STK3: variants seen among roughly 807,000 people sequenced by gnomAD.
The protein encoded by STK3 is serine/threonine kinase 3.
Under a neutral mutation model 58.0 loss-of-function variants are expected in STK3, and 41 were observed. The ratio of observed to expected loss-of-function variants is 0.71; its 90% CI spans 0.55 to 0.92. The LOEUF is 0.92. Ranked by LOEUF, STK3 falls within the 40% of genes least tolerant of loss-of-function variation. The pLI is 0.00. For synonymous variants in STK3, 170 were observed against 191.0 expected (o/e 0.89, Z 0.91); for missense variants, 479 against 602.7 (o/e 0.79, Z 2.15).
chr8:98,589,218 T>A (rs1029730534), intron 7 of STK3, among the ~76,000 whole-genome samples: 3 of 152,344 alleles, frequency 2.0e-5, no homozygotes, highest in Admixed American at 6.5e-5. Flanking sequence ...TTTTTCCCCA[T>A]CTTTGTGGTT....
At chr8:98,552,864 A>C (rs1466248633) in intron 8 of STK3, among the ~76,000 whole-genome samples, 1 of 152,166 alleles carries the variant, frequency 6.6e-6, no homozygotes, top group Non-Finnish European at 1.5e-5. Context: ...TTAATCATCC[A>C]ACAAGCATTT....
At chr8:98,474,866 G>A (rs1821190265) in intron 10 of STK3, among the ~76,000 whole-genome samples, 2 of 152,120 alleles carry the variant, frequency 1.3e-5, no homozygotes, top group African/African-American at 4.8e-5. Context: ...TGTACAATAT[G>A]AGATACGTGA....
Position 98,707,267 on chromosome 8 carries a change from T to C in STK3, c.396A>G (p.Lys132=). The part of the protein sequence containing the change: ...EIATILKSTL[K]GLEYLHFMRK... ...TCATAAAGTGCAAATATTCTAGTCCTTTCAATGTAGATTTAAGAATGGTTG... is the reference window on the plus strand; with the variant it reads ...TCATAAAGTGCAAATATTCTAGTCCCTTCAATGTAGATTTAAGAATGGTTG... Residue 132 remains lysine (K), a synonymous_variant, in exon 5 of 11, where the codon AAA becomes AAG. Coordinates refer to ENST00000419617, the MANE Select transcript of STK3 (RefSeq NM_006281.4). 1 of 1,579,526 alleles carries C rather than the reference T, an allele frequency of 6.3e-7. No individual in the cohort carries two copies. Among genetic ancestry groups the C allele is most frequent in the Non-Finnish European group, 8.6e-7 (1 of 1,162,904 alleles).
At chr8:98,825,879 CGCCGGCCGCCAGCCT>C (rs1382391081), upstream of STK3, among the ~76,000 whole-genome samples, 42 of 21,308 alleles carry the variant, frequency 2.0e-3, 5 homozygotes, top group Admixed American at 4.3e-3. Flanking sequence ...CCCCCGGCCG[CGCCGGCCGCCAGCCT>C]GCGGCGGCGG....
At chr8:98,868,177 C>CT (rs1286326962) in intron 3 of STK3, among the ~76,000 whole-genome samples, 1 of 152,148 alleles carries the variant, frequency 6.6e-6, no homozygotes, top group African/African-American at 2.4e-5. Flanking sequence ...TAAAAGAAAA[C>CT]TTTAAAAAAA....
chr8:98,691,027 A>T (rs914729673), intron 6 of STK3, among the ~76,000 whole-genome samples: 13 of 152,176 alleles, frequency 8.5e-5, no homozygotes, highest in Admixed American at 2.0e-4. Context: ...ACAGACATAA[A>T]GATGGAAACA....
chr8:98,663,104 G>A (rs1000185440), intron 6 of STK3, among the ~76,000 whole-genome samples: 3 of 152,038 alleles, frequency 2.0e-5, no homozygotes, highest in East Asian at 1.9e-4. Flanking sequence ...CCTACAGAAC[G>A]GGAAAAATTT....
chr8:98,418,738 G>A (rs577893699), intron 3 of STK3, among the ~76,000 whole-genome samples: 1 of 152,232 alleles, frequency 6.6e-6, no homozygotes, highest in South Asian at 2.1e-4. Flanking sequence ...GAGCGGGGTG[G>A]GTTTTTGGAG....
At chr8:98,416,164 G>T (rs1270211391) in intron 3 of STK3, among the ~76,000 whole-genome samples, 1 of 152,188 alleles carries the variant, frequency 6.6e-6, no homozygotes, top group Non-Finnish European at 1.5e-5. Context: ...AGCAAGCCAC[G>T]TGGTTCCTCC....
At chr8:98,713,827 A>C (rs751457669) in intron 4 of STK3, among the ~76,000 whole-genome samples, 7 of 152,176 alleles carry the variant, frequency 4.6e-5, no homozygotes, top group Non-Finnish European at 1.0e-4. Flanking sequence ...ACAACAAAAA[A>C]AAAAGAGAAT....
chr8:98,788,235 C>T (rs575391621), intron 1 of STK3, among the ~76,000 whole-genome samples: 13 of 151,874 alleles, frequency 8.6e-5, no homozygotes, highest in South Asian at 2.1e-4. Context: ...GCCAGGAGTT[C>T]GAGACCAGCC....
Position 98,585,169 on chromosome 8 carries a change from C to T in STK3, c.823-5380G>A, listed in dbSNP as rs1162127262. On this transcript the variant is annotated intron_variant, in intron 7 of 10. Coordinates refer to ENST00000419617, the MANE Select transcript of STK3 (RefSeq NM_006281.4). ...GGTGTTTTAGACATGAAGGCCTTGCCCATGCCTATGTCCTGAATGGTAATG... is the reference window on the plus strand; with the variant it reads ...GGTGTTTTAGACATGAAGGCCTTGCTCATGCCTATGTCCTGAATGGTAATG... Among the ~76,000 whole-genome samples the T allele has an allele frequency of 3.3e-5, 5 of 151,968 alleles. No homozygotes were observed. The South Asian group carries it at 1.0e-3, about 32-fold the overall frequency.
chr8:98,506,715 GA>G (rs150925293), intron 10 of STK3, among the ~76,000 whole-genome samples: 5,769 of 144,476 alleles, frequency 0.04, 138 homozygotes, highest in Non-Finnish European at 0.059. Flanking sequence ...TCCATCAAAA[GA>G]AAAAAAAAAG....
intron 8 of STK3, among the ~76,000 whole-genome samples, chr8:98,555,506 T>C (rs1811521706): frequency 6.6e-6 from 1 of 152,164 alleles, no homozygotes; most frequent in Non-Finnish European, 1.5e-5. Context: ...TTTATTTTTC[T>C]TCTTAAAATG....
intron 4 of STK3, among the ~76,000 whole-genome samples, chr8:98,717,035 A>G (rs1382542405): frequency 6.6e-6 from 1 of 152,162 alleles, no homozygotes; most frequent in Non-Finnish European, 1.5e-5. Context: ...TGAATCAAAG[A>G]CCTAAACATA....
chr8:98,721,268 A>G, intron 4 of STK3: 1 of 293,900 alleles, frequency 3.4e-6, no homozygotes, highest in Non-Finnish European at 5.1e-6. Flanking sequence ...TTCTAATCAA[A>G]AAAAGCAAAG....
intron 1 of STK3, among the ~76,000 whole-genome samples, chr8:98,441,528 C>T (rs1818696215): frequency 6.6e-6 from 1 of 152,178 alleles, no homozygotes; most frequent in Non-Finnish European, 1.5e-5. Context: ...CTAGCCCCCT[C>T]GTTTCTGGCT....
chr8:98,560,538 T>C (rs2131630112), intron 8 of STK3, among the ~76,000 whole-genome samples: 1 of 152,148 alleles, frequency 6.6e-6, no homozygotes, highest in Non-Finnish European at 1.5e-5. Context: ...TAAAAGATGA[T>C]CTAAATAAAT....
At chr8:98,535,024 TTC>T (rs1281378180) in intron 9 of STK3, among the ~76,000 whole-genome samples, 1 of 152,204 alleles carries the variant, frequency 6.6e-6, no homozygotes, top group Non-Finnish European at 1.5e-5. Context: ...TAGTTGTAAG[TTC>T]TGTTTTCATC....
Sources: allele counts gnomAD v4.1 joint callset (sites outside exome capture counted in the v4.1 genomes callset), GRCh38; gene constraint gnomAD v4.1.1; transcripts MANE v1.5; gene names NCBI Gene and HGNC (gene_info 2026-07-23, HGNC 2026-07-21).